BEAN1: variants seen among roughly 807,000 people sequenced by gnomAD.
BEAN1 encodes the protein brain expressed associated with NEDD4 1, also known as protein BEAN1.
In BEAN1, 17 loss-of-function variants were observed where a neutral mutation model predicts 17.7. The ratio of observed to expected loss-of-function variants is 0.96; its 90% CI spans 0.66 to 1.44. BEAN1 has a LOEUF of 1.44. BEAN1 is among the 40% of genes most tolerant of loss of function. The pLI, the probability that BEAN1 is intolerant of heterozygous loss-of-function variation, is 0.00. For synonymous variants in BEAN1, 142 were observed against 151.8 expected (o/e 0.94, Z 0.47); for missense variants, 359 against 374.1 (o/e 0.96, Z 0.33).
chr16:66,488,279 G>GA (rs1430825826), intron 4 of BEAN1, among the ~76,000 whole-genome samples: 1 of 151,932 alleles, frequency 6.6e-6, no homozygotes, highest in East Asian at 1.9e-4. Context: ...CTATTAACAA[G>GA]AAAAAAACAA....
At chr16:66,472,439 C>T (rs1448211467) in intron 3 of BEAN1, among the ~76,000 whole-genome samples, 1 of 152,260 alleles carries the variant, frequency 6.6e-6, no homozygotes, top group East Asian at 1.9e-4. Flanking sequence ...TGCGGTGGCT[C>T]ATGCCTGTAA....
At chr16:66,445,474 TCAAAAAAAAAAAAAAAAAA>T (rs1338497492) in intron 2 of BEAN1, among the ~76,000 whole-genome samples, 1 of 25,904 alleles carries the variant, frequency 3.9e-5, no homozygotes, top group African/African-American at 1.6e-4. Flanking sequence ...AGACTCCGTC[TCAAAAAAAAAAAAAAAAAA>T]AAAAAAAAAA....
chr16:66,461,433 G>A (rs1597016004), intron 2 of BEAN1, among the ~76,000 whole-genome samples: 2 of 152,152 alleles, frequency 1.3e-5, no homozygotes, highest in East Asian at 1.9e-4. Context: ...ATCTGGTAAT[G>A]AGCCTGGTGC....
At chr16:66,449,241 C>T (rs1164968212) in intron 2 of BEAN1, among the ~76,000 whole-genome samples, 1 of 152,212 alleles carries the variant, frequency 6.6e-6, no homozygotes. Context: ...CACCACTGCG[C>T]TCCAGCCTGG....
At chr16:66,465,591 A>C (rs1963234136) in intron 2 of BEAN1, among the ~76,000 whole-genome samples, 1 of 152,240 alleles carries the variant, frequency 6.6e-6, no homozygotes, top group Non-Finnish European at 1.5e-5. Context: ...TGCAGCCATC[A>C]ACACTATCCA....
intron 2 of BEAN1, among the ~76,000 whole-genome samples, chr16:66,452,961 C>T (rs1427109106): frequency 6.6e-6 from 1 of 152,178 alleles, no homozygotes; most frequent in Non-Finnish European, 1.5e-5. Context: ...CAAGTCACTT[C>T]ACCTTCCTGA....
rs1480856997 is a variant in BEAN1, at chr16:66,469,853, G to A, written c.277G>A (p.Glu93Lys). The change falls in exon 3 of 5, where the codon GAG becomes AAG. Residue 93 changes from glutamate to lysine, a missense_variant. Glu to Lys is a moderately conservative substitution (Grantham distance 56). Transcript: ENST00000536005. ...HHRRRRHREY[E>K]HGYVSDEHTY... ...CCGCCGGCGTCGACACCGAGAGTAC[G>A]AGCACGGCTACGGTGAGCCGCCGCC... is the stretch of plus-strand genomic sequence containing the variant. The A allele has an allele frequency of 2.7e-5, 41 of 1,534,344 alleles. No individual in the cohort carries two copies. Among genetic ancestry groups the A allele is most frequent in the Middle Eastern group, 3.7e-4 (2 of 5,342 alleles).
rs1253873629 is a variant in BEAN1, at chr16:66,471,442, G to C, written c.289+1577G>C. Among the ~76,000 whole-genome samples, 1 of 152,240 alleles carries C rather than the reference G, an allele frequency of 6.6e-6. No individual in the cohort carries two copies. Among genetic ancestry groups the C allele is most frequent in the Non-Finnish European group, 1.5e-5 (1 of 68,046 alleles). ...CGCTGCACAGCACTGCCCAGGAAGG[G>C]AGCTGGAGGTGTCGGGGAGACGCCC... On this transcript the variant is annotated intron_variant, in intron 3 of 4. Coordinates refer to ENST00000536005, the MANE Select transcript of BEAN1 (RefSeq NM_001178020.3). This position sits in a 1 kb window ranked among gnomAD's most constrained non-coding sequence, Gnocchi z 4.7.
chr16:66,470,127 CTG>C, intron 3 of BEAN1: 1 of 581,162 alleles, frequency 1.7e-6, no homozygotes, highest in Non-Finnish European at 3.0e-6. Context: ...TCCCCTGCCA[CTG>C]TTGGTCCAGG....
chr16:66,494,053 G>T (rs557004316), downstream of BEAN1, among the ~76,000 whole-genome samples: 3 of 152,282 alleles, frequency 2.0e-5, no homozygotes, highest in African/African-American at 7.2e-5. Flanking sequence ...CCCCAGTGGG[G>T]GCTGGTGGCA....
intron 2 of BEAN1, among the ~76,000 whole-genome samples, chr16:66,461,567 C>CAA (rs1963082880): frequency 8.8e-6 from 1 of 114,070 alleles, no homozygotes; most frequent in Non-Finnish European, 1.8e-5. Context: ...CAGGCAGGCG[C>CAA]AGACACACAC....
chr16:66,429,824 C>T (rs1288385713), intron 1 of BEAN1, among the ~76,000 whole-genome samples: 1 of 150,680 alleles, frequency 6.6e-6, no homozygotes, highest in Non-Finnish European at 1.5e-5. Flanking sequence ...TCTCCTGCTT[C>T]GCTCAGGATT....
chr16:66,476,904 T>C (rs1334735056), intron 3 of BEAN1, among the ~76,000 whole-genome samples: 1 of 152,118 alleles, frequency 6.6e-6, no homozygotes, highest in African/African-American at 2.4e-5. Context: ...GAATGCAGTG[T>C]GGGGAGCTGC....
At chr16:66,489,829 C>T (rs1964140432) in intron 4 of BEAN1, among the ~76,000 whole-genome samples, 1 of 152,108 alleles carries the variant, frequency 6.6e-6, no homozygotes, top group South Asian at 2.1e-4. Flanking sequence ...CACGGTGCTA[C>T]TCCAGGGGGA....
chr16:66,448,696 G>A (rs1418657760), intron 2 of BEAN1, among the ~76,000 whole-genome samples: 2 of 152,186 alleles, frequency 1.3e-5, no homozygotes, highest in South Asian at 2.1e-4. Context: ...GGTGGCGGAT[G>A]CCTGTAGTCC....
intron 2 of BEAN1, among the ~76,000 whole-genome samples, chr16:66,466,177 C>G (rs1963255620): frequency 6.6e-6 from 1 of 152,204 alleles, no homozygotes; most frequent in South Asian, 2.1e-4. Flanking sequence ...CACCTATGGT[C>G]CCAATTACTC....
intron 2 of BEAN1, among the ~76,000 whole-genome samples, chr16:66,449,446 A>C (rs539524457): frequency 6.6e-6 from 1 of 152,040 alleles, no homozygotes; most frequent in East Asian, 1.9e-4. Flanking sequence ...CGTCTCTACT[A>C]AATATACAAA....
At position 66,469,845 on chromosome 16, in the gene BEAN1, G is replaced by A. The variant is rs767479273; in HGVS notation, c.269G>A (p.Arg90Gln). ...HHHHHRRRRH[R>Q]EYEHGYVSDE... ...CATCACCACCGCCGGCGTCGACACC[G>A]AGAGTACGAGCACGGCTACGGTGAG... Residue 90 changes from arginine to glutamine, a missense_variant, in exon 3 of 5, where the codon CGA becomes CAA. Transcript: ENST00000536005. 19 of 1,534,264 alleles carry A rather than the reference G, an allele frequency of 1.2e-5. No individual in the cohort carries two copies. The highest frequency in any genetic ancestry group is 4.1e-5 in the African/African-American group (3 of 72,862).
At chr16:66,467,307 A>G (rs1820673) in intron 2 of BEAN1, among the ~76,000 whole-genome samples, 1 of 152,090 alleles carries the variant, frequency 6.6e-6, no homozygotes, top group African/African-American at 2.4e-5. Context: ...GAGGCCGGAT[A>G]ATTTATAAAG....
Sources: gnomAD v4.1 joint callset for allele counts (sites outside exome capture counted in the v4.1 genomes callset) on GRCh38, gnomAD v4.1.1 for gene constraint, Gnocchi (gnomAD v3.1) non-coding constraint, MANE v1.5 for transcripts, NCBI Gene and HGNC (gene_info 2026-07-23, HGNC 2026-07-21) for gene names.